Variants in FAM227B observed in about 807,000 individuals in gnomAD.
The protein encoded by FAM227B is protein FAM227B.
Under a neutral mutation model 73.8 loss-of-function variants are expected in FAM227B, and 88 were observed. The observed-to-expected ratio is 1.19, with a 90% CI of 1.00 to 1.42. The LOEUF (loss-of-function observed/expected upper bound fraction) is 1.42. Ranked by LOEUF, FAM227B falls within the 40% of genes most tolerant of loss-of-function variation. FAM227B has a pLI of 0.00. For missense variants in FAM227B, 632 were observed against 590.9 expected (o/e 1.07, Z -0.72); for synonymous variants, 210 against 190.5 (o/e 1.10, Z -0.84).
chr15:49,489,825 T>G lies in FAM227B; in HGVS notation c.1012+18386A>C, dbSNP rs1366746885. Among the ~76,000 whole-genome samples the G allele has an allele frequency of 4.5e-4, 10 of 22,056 alleles. No homozygotes were observed. In the Admixed American group the frequency reaches 5.2e-3, roughly 11 times the overall value. The allele number at this position is 22,056 out of a possible 152,430, so 14.5% of individuals were successfully genotyped here. On this transcript the variant is annotated intron_variant, in intron 11 of 15. Coordinates refer to ENST00000299338, the MANE Select transcript of FAM227B (RefSeq NM_152647.3). ...ATTTTATATATATATATATATTTTA[T>G]ATATATATATATATTTTATATATAT...
chr15:49,427,621 C>T (rs1266593940), intron 11 of FAM227B, among the ~76,000 whole-genome samples: 1 of 151,896 alleles, frequency 6.6e-6, no homozygotes, highest in African/African-American at 2.4e-5. Flanking sequence ...AAGAAAGTCC[C>T]CAATCTTTTC....
At chr15:49,544,036 A>G (rs948544202) in intron 9 of FAM227B, among the ~76,000 whole-genome samples, 1 of 151,992 alleles carries the variant, frequency 6.6e-6, no homozygotes. Context: ...CAGAAAGATG[A>G]TGTTACTTTT....
Position 49,415,338 on chromosome 15 carries a change from C to A in FAM227B, c.1013-43939G>T, listed in dbSNP as rs145875763. Among the ~76,000 whole-genome samples the A allele has an allele frequency of 7.6e-4, 115 of 152,240 alleles. 1 individual carries two copies. The East Asian group carries it at 0.019, about 25-fold the overall frequency. ...GTCCTTCTAGGGATGAAGCAAAATT[C>A]TCTCTGTGAGAACATTTTTCAACAT... On this transcript the variant is annotated intron_variant, in intron 11 of 15. Transcript: ENST00000299338.
intron 14 of FAM227B, 113 bp from the exon 15 acceptor site, chr15:49,331,962 T>C (rs2038851161): frequency 1.5e-6 from 1 of 681,516 alleles, no homozygotes; most frequent in Admixed American, 2.4e-5. Context: ...GTCAAGCACT[T>C]TACATATATT....
chr15:49,434,065 A>C (rs1307954789), intron 11 of FAM227B, among the ~76,000 whole-genome samples: 1 of 151,514 alleles, frequency 6.6e-6, no homozygotes, highest in African/African-American at 2.4e-5. Flanking sequence ...AAGTCAAGAA[A>C]GTTGGTGAAT....
intron 11 of FAM227B, among the ~76,000 whole-genome samples, chr15:49,475,535 T>C (rs554184451): frequency 6.6e-6 from 1 of 152,286 alleles, no homozygotes; most frequent in East Asian, 1.9e-4. Flanking sequence ...ACAGTAAAAT[T>C]TGAAAATAAA....
At chr15:49,331,895 A>T (rs753944085) in intron 14 of FAM227B, 46 bp from the exon 15 acceptor site, 1 of 1,102,486 alleles carries the variant, frequency 9.1e-7, no homozygotes, top group South Asian at 1.3e-5. Context: ...AATTGTCCTT[A>T]TATTGACACC....
At chr15:49,615,684 A>C (rs2078245256) in intron 1 of FAM227B, among the ~76,000 whole-genome samples, 1 of 152,140 alleles carries the variant, frequency 6.6e-6, no homozygotes, top group South Asian at 2.1e-4. Flanking sequence ...CTTTTCTTTA[A>C]AATTACCCAG....
chr15:49,399,444 T>C (rs2047957369), intron 11 of FAM227B, among the ~76,000 whole-genome samples: 1 of 150,584 alleles, frequency 6.6e-6, no homozygotes, highest in Admixed American at 6.6e-5. Context: ...GTACCATTCC[T>C]TCTGAAAATA....
At chr15:49,401,327 C>G (rs904154104) in intron 11 of FAM227B, among the ~76,000 whole-genome samples, 1 of 152,226 alleles carries the variant, frequency 6.6e-6, no homozygotes, top group Non-Finnish European at 1.5e-5. Flanking sequence ...GTTAGAATGG[C>G]AATCATTAAA....
intron 5 of FAM227B, among the ~76,000 whole-genome samples, chr15:49,587,184 T>A (rs1309009529): frequency 6.6e-6 from 1 of 152,122 alleles, no homozygotes; most frequent in Admixed American, 6.6e-5. Flanking sequence ...TTTGCAGGTA[T>A]ATGGATCCAG....
intron 11 of FAM227B, among the ~76,000 whole-genome samples, chr15:49,430,420 A>G (rs1049706302): frequency 6.6e-6 from 1 of 151,878 alleles, no homozygotes; most frequent in African/African-American, 2.4e-5. Context: ...CACACAACCA[A>G]GTTCAAAGGC....
chr15:49,477,442 T>A (rs563733487), intron 11 of FAM227B, among the ~76,000 whole-genome samples: 2 of 152,352 alleles, frequency 1.3e-5, no homozygotes, highest in East Asian at 3.9e-4. Context: ...TATGTGGCTT[T>A]TTCAGACTGG....
At chr15:49,446,196 T>G (rs138905444) in intron 11 of FAM227B, among the ~76,000 whole-genome samples, 1 of 151,584 alleles carries the variant, frequency 6.6e-6, no homozygotes, top group African/African-American at 2.4e-5. Flanking sequence ...ATGGGAACAC[T>G]TTTTTCTTTT....
In FAM227B at chr15:49,493,888, A is replaced by ATATATATATATG. The variant is rs146161182; in HGVS notation, c.1012+14322_1012+14323insCATATATATATA. On this transcript the variant is annotated intron_variant, in intron 11 of 15. Coordinates refer to ENST00000299338, the MANE Select transcript of FAM227B (RefSeq NM_152647.3). ...TATGTATGTGTATATATATATATAT[A>ATATATATATATG]TGTGTGTGTGTGTATGTATGTGTGT... Among the ~76,000 whole-genome samples, 880 of 148,872 alleles carry ATATATATATATG rather than the reference A, an allele frequency of 5.9e-3. 7 individuals are homozygous for ATATATATATATG. The highest frequency in any genetic ancestry group is 8.7e-3 in the South Asian group (41 of 4,722).
chr15:49,375,243 C>G (rs2046085443), intron 11 of FAM227B, among the ~76,000 whole-genome samples: 1 of 152,092 alleles, frequency 6.6e-6, no homozygotes, highest in African/African-American at 2.4e-5. Context: ...TCGCTAGCAT[C>G]GTTAGGTTTC....
chr15:49,547,336 TA>T (rs2152292692), intron 9 of FAM227B, among the ~76,000 whole-genome samples: 1 of 149,472 alleles, frequency 6.7e-6, no homozygotes, highest in Non-Finnish European at 1.5e-5. Context: ...TGCCAAATTG[TA>T]AAGACCATCA....
chr15:49,395,987 C>T (rs1336841766), intron 11 of FAM227B: 10 of 455,628 alleles, frequency 2.2e-5, no homozygotes, highest in Non-Finnish European at 3.5e-5. Flanking sequence ...AAACTGGGGG[C>T]GAGGAGCCAA....
chr15:49,387,109 T>C lies in FAM227B; in HGVS notation c.1013-15710A>G, dbSNP rs964956551. On this transcript the variant is annotated intron_variant, in intron 11 of 15. Transcript: ENST00000299338. ...ATCCTACTGAAACTATTCCAAAAGA[T>C]TGAGAAGGAAGGAATCCTCCCTAAA... 1.1e-4 allele frequency among the ~76,000 whole-genome samples: 16 copies of C among 151,920 alleles called. No homozygotes were observed. In the East Asian group the frequency reaches 2.9e-3, roughly 28 times the overall value.
Sources: allele counts gnomAD v4.1 joint callset (sites outside exome capture counted in the v4.1 genomes callset), GRCh38; gene constraint gnomAD v4.1.1; transcripts MANE v1.5; gene names NCBI Gene and HGNC (gene_info 2026-07-23, HGNC 2026-07-21).